Variants in SCD5 observed in about 807,000 individuals in gnomAD.
The protein encoded by SCD5 is acyl-CoA-desaturase 4.
SCD5 carries 20 observed loss-of-function variants against 30.4 expected under a neutral mutation model. The ratio of observed to expected loss-of-function variants is 0.66; its 90% confidence interval spans 0.46 to 0.96. The LOEUF (loss-of-function observed/expected upper bound fraction) is 0.96. Ranked by LOEUF, SCD5 falls within the 40% of genes least tolerant of loss-of-function variation. The probability of loss-of-function intolerance (pLI) is 0.00; values close to 1 mark genes in which losing one functional copy is unlikely to be tolerated. For missense variants in SCD5, 381 were observed against 443.3 expected (o/e 0.86, Z 1.26); for synonymous variants, 173 against 176.4 (o/e 0.98, Z 0.16).
At chr4:82,698,159 G>A (rs1392164263) in intron 2 of SCD5, 2 of 456,020 alleles carry the variant, frequency 4.4e-6, no homozygotes, top group Non-Finnish European at 8.8e-6. Context: ...CTGATGTGCA[G>A]AAGAAAAGTT....
intron 1 of SCD5, among the ~76,000 whole-genome samples, chr4:82,796,039 G>A (rs1254422136): frequency 1.3e-5 from 2 of 151,926 alleles, no homozygotes; most frequent in Non-Finnish European, 2.9e-5. Flanking sequence ...AGGAGGCTGA[G>A]GTGGGTGGAT....
chr4:82,702,130 C>CTTTTTTT lies in SCD5; in HGVS notation c.363+3146_363+3152dup, dbSNP rs10701664. On this transcript the variant is annotated intron_variant, in intron 2 of 4. Transcript: ENST00000319540. ...TCAGGCATTCCTGCCCCATCATCAT[C>CTTTTTTT]TTTTTTTTTTTTTTTTTTTTTTTTT... 1.7e-3 allele frequency among the ~76,000 whole-genome samples: 112 copies of CTTTTTTT among 64,106 alleles called. 11 individuals are homozygous for CTTTTTTT. The highest frequency in any genetic ancestry group is 4.4e-3 in the African/African-American group (78 of 17,822). 42.1% of individuals were successfully genotyped at this position (64,106 alleles called of 152,430 possible).
intron 1 of SCD5, among the ~76,000 whole-genome samples, chr4:82,730,870 C>T (rs944908245): frequency 1.3e-5 from 2 of 152,140 alleles, no homozygotes; most frequent in Non-Finnish European, 2.9e-5. Flanking sequence ...AGGCGTGAGC[C>T]ACAGCGCCCA....
intron 1 of SCD5, among the ~76,000 whole-genome samples, chr4:82,766,859 G>A (rs1721498962): frequency 6.6e-6 from 1 of 152,100 alleles, no homozygotes; most frequent in African/African-American, 2.4e-5. Flanking sequence ...TGTATTTTTA[G>A]TAGAGATGGC....
rs183756013 is a variant in SCD5, at chr4:82,717,585, A to G, written c.233-12172T>C. On this transcript the variant is annotated intron_variant, in intron 1 of 4. Coordinates refer to ENST00000319540, the MANE Select transcript of SCD5 (RefSeq NM_001037582.3). ...ACTATAGGTATATGCATGCTCATTA[A>G]TATCTCTGCCTATAAATAGGAAACT... Among the ~76,000 whole-genome samples, 9 of 151,974 alleles carry G rather than the reference A, an allele frequency of 5.9e-5. No individual in the cohort carries two copies. In the East Asian group the frequency reaches 1.7e-3, roughly 29 times the overall value.
intron 1 of SCD5, among the ~76,000 whole-genome samples, chr4:82,733,119 G>A (rs1720677957): frequency 6.6e-6 from 1 of 152,114 alleles, no homozygotes; most frequent in South Asian, 2.1e-4. Context: ...TATGAACTAG[G>A]GAACTGAGAA....
intron 1 of SCD5, among the ~76,000 whole-genome samples, chr4:82,786,811 A>C (rs1306587167): frequency 1.3e-5 from 2 of 150,388 alleles, no homozygotes; most frequent in Admixed American, 1.3e-4. Context: ...AAAAAAAAAA[A>C]CAAGGCAATC....
intron 2 of SCD5, among the ~76,000 whole-genome samples, chr4:82,690,321 C>G (rs886554794): frequency 3.9e-5 from 6 of 152,306 alleles, no homozygotes; most frequent in Admixed American, 2.6e-4. Flanking sequence ...GAGCAGTACT[C>G]TAAGAGTTGG....
chr4:82,796,225 G>A (rs555439808), intron 1 of SCD5, among the ~76,000 whole-genome samples: 9 of 150,090 alleles, frequency 6.0e-5, no homozygotes, highest in South Asian at 2.1e-4. Flanking sequence ...AGCCGAGATC[G>A]CACCACTGCA....
At chr4:82,694,431 G>A (rs1719649032) in intron 2 of SCD5, among the ~76,000 whole-genome samples, 1 of 152,126 alleles carries the variant, frequency 6.6e-6, no homozygotes, top group Admixed American at 6.5e-5. Context: ...GTTCAAAGCT[G>A]TTTCCACCTC....
At chr4:82,690,327 G>A (rs1322638350) in intron 2 of SCD5, among the ~76,000 whole-genome samples, 3 of 152,220 alleles carry the variant, frequency 2.0e-5, no homozygotes, top group Non-Finnish European at 4.4e-5. Context: ...TACTCTAAGA[G>A]TTGGTGAATC....
At chr4:82,727,214 T>C (rs1720521493) in intron 1 of SCD5, among the ~76,000 whole-genome samples, 1 of 152,160 alleles carries the variant, frequency 6.6e-6, no homozygotes, top group Non-Finnish European at 1.5e-5. Flanking sequence ...GGTGTAACAA[T>C]GATATGCAGT....
rs145773847 is a variant in SCD5 at position 82,680,756 on chromosome 4, G to A, written c.520C>T (p.Leu174Phe). The change falls in exon 3 of 5, where the codon CTT becomes TTT. Residue 174 changes from leucine to phenylalanine, a missense_variant. By Grantham distance (22) the Leu-to-Phe change is conservative. Coordinates refer to ENST00000319540, the MANE Select transcript of SCD5 (RefSeq NM_001037582.3). ...HRDVIEKGRKLDVTDLLADPV... is the reference protein window; with the variant it reads ...HRDVIEKGRKFDVTDLLADPV... ...TCAGCAAGCAGGTCAGTGACGTCAA[G>A]CTTTCTCCCCTTCTCAATAACATCT... 2.9e-5 allele frequency: 46 copies of A among 1,613,992 alleles called. No homozygotes were observed. Among genetic ancestry groups the A allele is most frequent in the Non-Finnish European group, 3.8e-5 (45 of 1,180,038 alleles).
In SCD5 at chr4:82,759,930, C is replaced by T. The variant is rs550439741; in HGVS notation, c.232+38376G>A. Reference sequence around the variant, plus strand: ...TCCAATCTCAAACCTCATGTGCTCCCTCTGCCTCTTGTGCTGGAGCCAGTC... The same window carrying T: ...TCCAATCTCAAACCTCATGTGCTCCTTCTGCCTCTTGTGCTGGAGCCAGTC... On this transcript the variant is annotated intron_variant, in intron 1 of 4. Transcript: ENST00000319540. 3.3e-5 allele frequency among the ~76,000 whole-genome samples: 5 copies of T among 152,262 alleles called. No individual in the cohort carries two copies. In the South Asian group the frequency reaches 8.3e-4, roughly 25 times the overall value.
chr4:82,656,267 C>G lies in SCD5; in HGVS notation c.570-19444G>C, dbSNP rs974022022. The stretch of plus-strand genomic sequence containing the variant: ...CCCTTAGCATCCCCCCACAACCCCC[C>G]AACAGGCCAGGGTGTGTGATGTTCC... On this transcript the variant is annotated intron_variant, in intron 3 of 4. Coordinates refer to ENST00000319540, the MANE Select transcript of SCD5 (RefSeq NM_001037582.3). 1.5e-4 allele frequency among the ~76,000 whole-genome samples: 23 copies of G among 152,196 alleles called. No individual in the cohort carries two copies. In the East Asian group the frequency reaches 4.2e-3, roughly 28 times the overall value.
chr4:82,654,517 T>C (rs1032377251), intron 3 of SCD5, among the ~76,000 whole-genome samples: 3 of 151,592 alleles, frequency 2.0e-5, no homozygotes, highest in Non-Finnish European at 2.9e-5. Context: ...AAATAAAACA[T>C]TTTTTTTTGA....
chr4:82,786,150 C>A (rs1316664611), intron 1 of SCD5, among the ~76,000 whole-genome samples: 1 of 152,108 alleles, frequency 6.6e-6, no homozygotes, highest in Non-Finnish European at 1.5e-5. Context: ...TACAGCTGTT[C>A]CTTTCAGTTA....
chr4:82,654,497 G>GCTTTA (rs1298900873), intron 3 of SCD5, among the ~76,000 whole-genome samples: 1 of 152,182 alleles, frequency 6.6e-6, no homozygotes, highest in Non-Finnish European at 1.5e-5. Flanking sequence ...GCTAGCCTAT[G>GCTTTA]CTTTACTTTA....
intron 2 of SCD5, among the ~76,000 whole-genome samples, chr4:82,703,205 G>T (rs1719893266): frequency 6.6e-6 from 1 of 152,192 alleles, no homozygotes; most frequent in South Asian, 2.1e-4. Flanking sequence ...CACTACAAAT[G>T]TGGGCCTTGA....
Sources: gnomAD v4.1 joint callset for allele counts (sites outside exome capture counted in the v4.1 genomes callset) on GRCh38, gnomAD v4.1.1 for gene constraint, MANE v1.5 for transcripts, NCBI Gene and HGNC (gene_info 2026-07-23, HGNC 2026-07-21) for gene names.